Variants in ALG1 observed in about 807,000 individuals in gnomAD.
ALG1 encodes chitobiosyldiphosphodolichol beta-mannosyltransferase.
ALG1 carries 58 observed loss-of-function variants against 55.1 expected under a neutral mutation model. The observed-to-expected ratio is 1.05, with a 90% CI of 0.85 to 1.31. The LOEUF (loss-of-function observed/expected upper bound fraction) is 1.31, where lower values mean the gene tolerates loss of function less well. Among genes scored for constraint, ALG1 ranks in the 50% most tolerant of loss-of-function variants. ALG1 has a pLI of 0.00. For missense variants in ALG1, 761 were observed against 598.6 expected, an observed-to-expected ratio of 1.27 and a Z score of -2.83; for synonymous variants, 309 against 247.0, an observed-to-expected ratio of 1.25 and a Z score of -2.35.
rs1036289003 is a variant in ALG1 at position 5,071,921 on chromosome 16, G to A, written c.72G>A (p.Lys24=). ...CGCTGCTGCTGCTGGGAGGATGGAA[G>A]CGCTGGCGCCGGGGGCGGGCGGCCC... ...LLPLLLLGGW[K]RWRRGRAARH... The change falls in exon 1 of 13, where the codon AAG becomes AAA. Residue 24 remains lysine, a synonymous_variant. Coordinates refer to ENST00000262374, the MANE Select transcript of ALG1 (RefSeq NM_019109.5). 3.8e-6 allele frequency: 6 copies of A among 1,595,022 alleles called. No individual in the cohort carries two copies. The highest frequency in any genetic ancestry group is 3.4e-4 in the Middle Eastern group (2 of 5,942).
rs753600353 is a variant in ALG1 at position 5,079,102 on chromosome 16, A to G, written c.901A>G (p.Lys301Glu). 8.8e-6 allele frequency: 14 copies of G among 1,596,962 alleles called. No homozygotes were observed. In the Admixed American group the frequency reaches 1.5e-4, roughly 17 times the overall value. ...CTCCATCCTGCTGGCAGCTTTAGAA[A>G]GTAGGTGTGTGGCTGCGGTGAGGAG... ...DFSILLAALE[K>E]FEQLTLDGHN... Residue 301 changes from lysine to glutamate, a missense_variant and splice_region_variant, in exon 8 of 13, where the codon AAG becomes GAG. Physicochemically the swap from Lys to Glu is moderately conservative, Grantham distance 56 (BLOSUM62 1). Transcript: ENST00000262374.
chr16:5,078,245 C>T, intron 6 of ALG1: 1 of 702,154 alleles, frequency 1.4e-6, no homozygotes, highest in Non-Finnish European at 2.6e-6. Context: ...CGTTTTGCAA[C>T]AGAGAACCTG....
chr16:5,081,098 CAGGGTGGGCGGG>C, intron 10 of ALG1, 42 bp downstream of exon 10: 2 of 1,337,644 alleles, frequency 1.5e-6, no homozygotes, highest in Non-Finnish European at 2.0e-6. Flanking sequence ...GCGGGGGGAA[CAGGGTGGGCGGG>C]ATGTACTTTT....
chr16:5,073,345 G>A (rs1235137568), intron 3 of ALG1, 89 bp downstream of exon 3: 4 of 1,176,846 alleles, frequency 3.4e-6, no homozygotes, highest in South Asian at 2.5e-5. Flanking sequence ...ATATTCATAT[G>A]TGTGTGTGTT....
rs571206182 is a variant in ALG1, at chr16:5,086,054, G to A, written c.*1173G>A. Among the ~76,000 whole-genome samples the A allele has an allele frequency of 6.6e-6, 1 of 152,228 alleles. No homozygotes were observed. The highest frequency in any genetic ancestry group is 1.5e-5 in the Non-Finnish European group (1 of 68,044). On this transcript the variant is annotated 3_prime_UTR_variant, in exon 13 of 13. Transcript: ENST00000262374. Reference sequence around the variant, plus strand: ...CCACTCTTCACAAAGCTTAGAAAGCGGCCGGGCACAGTGGCTCATGCCTGT... The same window carrying A: ...CCACTCTTCACAAAGCTTAGAAAGCAGCCGGGCACAGTGGCTCATGCCTGT...
At position 5,071,915 on chromosome 16, in the gene ALG1, A is replaced by G; in HGVS notation, c.66A>G (p.Gly22=). The G allele has an allele frequency of 6.3e-7, 1 of 1,597,150 alleles. No individual in the cohort carries two copies. The highest frequency in any genetic ancestry group is 8.5e-7 in the Non-Finnish European group (1 of 1,172,812). The part of the protein sequence containing the change: ...CLLLPLLLLG[G]WKRWRRGRAA... ...TGCTGCCGCTGCTGCTGCTGGGAGG[A>G]TGGAAGCGCTGGCGCCGGGGGCGGG... Residue 22 remains glycine, a synonymous_variant, in exon 1 of 13, where the codon GGA becomes GGG. Coordinates refer to ENST00000262374, the MANE Select transcript of ALG1 (RefSeq NM_019109.5).
chr16:5,080,866 A>G, intron 9 of ALG1, 80 bp from the exon 10 acceptor site: 1 of 1,544,562 alleles, frequency 6.5e-7, no homozygotes, highest in Non-Finnish European at 8.8e-7. Context: ...GATCCCTCCT[A>G]GGGGGGAGTG....
rs1567167398 is a variant in ALG1 at position 5,075,433 on chromosome 16, T to C, written c.436T>C (p.Cys146Arg). 6.2e-7 allele frequency: 1 copy of C among 1,614,196 alleles called. No homozygotes were observed. The change falls in exon 4 of 13, where the codon TGC becomes CGC. Residue 146 changes from cysteine (C) to arginine (R), a missense_variant. Transcript: ENST00000262374. ...PSIAVCWFVGCLCGSKLVIDW... is the reference protein window; with the variant it reads ...PSIAVCWFVGRLCGSKLVIDW... Reference sequence around the variant, plus strand: ...CATTGCTGTCTGCTGGTTCGTGGGCTGCCTTTGTGGAAGCAAGCTCGTCAT... The same window carrying C: ...CATTGCTGTCTGCTGGTTCGTGGGCCGCCTTTGTGGAAGCAAGCTCGTCAT...
At position 5,083,723 on chromosome 16, in the gene ALG1, T is replaced by A. The variant is rs1307833564; in HGVS notation, c.1229T>A (p.Phe410Tyr). The change falls in exon 12 of 13, where the codon TTT (phenylalanine) becomes TAT (tyrosine). Residue 410 changes from phenylalanine (F) to tyrosine (Y), a missense_variant. Coordinates refer to ENST00000262374, the MANE Select transcript of ALG1 (RefSeq NM_019109.5). ...LVKHEENGLV[F>Y]EDSEELAAQL... Reference sequence around the variant, plus strand: ...AAACATGAAGAAAATGGCCTGGTCTTTGAGGACTCAGAGGAACTGGCAGCT... The same window carrying A: ...AAACATGAAGAAAATGGCCTGGTCTATGAGGACTCAGAGGAACTGGCAGCT... The A allele has an allele frequency of 6.3e-7, 1 of 1,598,638 alleles. No individual in the cohort carries two copies. The highest frequency in any genetic ancestry group is 1.1e-5 in the South Asian group (1 of 90,992).
chr16:5,080,966 T>G lies in ALG1; in HGVS notation c.982T>G (p.Tyr328Asp), dbSNP rs1248441431. 1 of 1,595,424 alleles carries G rather than the reference T, an allele frequency of 6.3e-7. No homozygotes were observed. Among genetic ancestry groups the G allele is most frequent in the Non-Finnish European group, 8.5e-7 (1 of 1,179,554 alleles). ...TGAAGGCAAAGGGCCTCTGAGGGAGTATTATAGCCGCCTCATCCACCAGAA... is the reference window on the plus strand; with the variant it reads ...TGAAGGCAAAGGGCCTCTGAGGGAGGATTATAGCCGCCTCATCCACCAGAA... ...VITGKGPLRE[Y>D]YSRLIHQKHF... The change falls in exon 10 of 13, where the codon TAT (tyrosine) becomes GAT (aspartate). Residue 328 changes from tyrosine (Y) to aspartate (D), a missense_variant. Tyr to Asp is a radical substitution (Grantham distance 160). Transcript: ENST00000262374.
Position 5,071,982 on chromosome 16 carries a change from C to T in ALG1, c.133C>T (p.Arg45Cys). ...AGCGGTGGTGCTGGGCGACGTGGGC[C>T]GCAGCCCCCGTATGCAGTACCACGC... The part of the protein sequence containing the change: ...VVAVVLGDVG[R>C]SPRMQYHALS... The change falls in exon 1 of 13, where the codon CGC becomes TGC. Residue 45 changes from arginine (R) to cysteine (C), a missense_variant. Transcript: ENST00000262374. 6.3e-7 allele frequency: 1 copy of T among 1,594,904 alleles called. No homozygotes were observed. The highest frequency in any genetic ancestry group is 8.5e-7 in the Non-Finnish European group (1 of 1,170,720).
chr16:5,074,606 A>G lies in ALG1; in HGVS notation c.391-782A>G, dbSNP rs570942039. ...AGCACAGCGAGCATATGCCTTTTGT[A>G]TAAGTCCAGTTTCTTTCTTAGGGTA... On this transcript the variant is annotated intron_variant, in intron 3 of 12. Transcript: ENST00000262374. 5.3e-5 allele frequency among the ~76,000 whole-genome samples: 8 copies of G among 152,346 alleles called. No individual in the cohort carries two copies. The South Asian group carries it at 1.0e-3, about 20-fold the overall frequency.
At chr16:5,078,999 G>C (rs961444161) in intron 7 of ALG1, 65 bp from the exon 8 acceptor site, 5 of 1,599,736 alleles carry the variant, frequency 3.1e-6, no homozygotes, top group African/African-American at 2.7e-5. Context: ...GAGAACGGGA[G>C]GGCCTGTGAG....
intron 10 of ALG1, 91 bp from the exon 11 acceptor site, chr16:5,082,468 T>C (rs1160295019): frequency 1.4e-6 from 2 of 1,394,016 alleles, no homozygotes; most frequent in African/African-American, 2.8e-5. Flanking sequence ...TGATTTTCAC[T>C]CTCCTTGGGG....
Position 5,084,962 on chromosome 16 carries a change from T to C in ALG1, c.*81T>C. 3.1e-6 allele frequency: 5 copies of C among 1,593,846 alleles called. No individual in the cohort carries two copies. The highest frequency in any genetic ancestry group is 2.2e-5 in the South Asian group (2 of 90,952). ...TCTTGGAGTCTCAGGGCAAACCCTT[T>C]CGAGCAGCACCTCCCAGTGGCCAGA... On this transcript the variant is annotated 3_prime_UTR_variant, in exon 13 of 13. Transcript: ENST00000262374.
intron 1 of ALG1, 78 bp from the exon 2 acceptor site, chr16:5,072,873 A>T (rs1956841575): frequency 1.5e-6 from 2 of 1,316,182 alleles, no homozygotes; most frequent in South Asian, 1.2e-5. Context: ...ACTGTCCGTG[A>T]TTCAGCCTGA....
At chr16:5,074,756 C>T (rs1956878706) in intron 3 of ALG1, among the ~76,000 whole-genome samples, 1 of 152,184 alleles carries the variant, frequency 6.6e-6, no homozygotes, top group Admixed American at 6.5e-5. Context: ...CTCTTCTCCC[C>T]CATGCTTACC....
At chr16:5,076,844 G>T (rs924883118) in intron 4 of ALG1, among the ~76,000 whole-genome samples, 2 of 146,884 alleles carry the variant, frequency 1.4e-5, no homozygotes, top group Non-Finnish European at 3.0e-5. Flanking sequence ...TCCCAGACTG[G>T]AGTGCAATGG....
At chr16:5,075,930 C>T (rs1227040346) in intron 4 of ALG1, among the ~76,000 whole-genome samples, 1 of 152,156 alleles carries the variant, frequency 6.6e-6, no homozygotes, top group Non-Finnish European at 1.5e-5. Context: ...TCTGATCTGC[C>T]TGTTGAGGCC....
Sources: gnomAD v4.1 joint callset for allele counts (sites outside exome capture counted in the v4.1 genomes callset) on GRCh38, gnomAD v4.1.1 for gene constraint, MANE v1.5 for transcripts, NCBI Gene and HGNC (gene_info 2026-07-23, HGNC 2026-07-21) for gene names.